Variants in ASCC3 observed in about 807,000 individuals in gnomAD.
The protein encoded by ASCC3 is activating signal cointegrator 1 complex subunit 3.
In ASCC3, 158 loss-of-function variants were observed where a neutral mutation model predicts 256.3. The ratio of observed to expected loss-of-function variants is 0.62; its 90% CI spans 0.54 to 0.70. The LOEUF (loss-of-function observed/expected upper bound fraction) is 0.70. Among genes scored for constraint, ASCC3 ranks in the 30% least tolerant of loss-of-function variants. The pLI is 0.00. For missense variants in ASCC3, 2,259 were observed against 2,626.0 expected (o/e 0.86, Z 3.05); for synonymous variants, 948 against 883.4 (o/e 1.07, Z -1.30).
chr6:100,876,144 TGAA>T (rs1227424060), intron 1 of ASCC3, among the ~76,000 whole-genome samples: 6 of 151,988 alleles, frequency 3.9e-5, no homozygotes, highest in Non-Finnish European at 8.8e-5. Context: ...CTTGGATAGA[TGAA>T]GGAGTACGGA....
At chr6:100,756,712 T>G (rs1204543125) in intron 10 of ASCC3, among the ~76,000 whole-genome samples, 1 of 152,160 alleles carries the variant, frequency 6.6e-6, no homozygotes, top group Admixed American at 6.5e-5. Context: ...GCAGATTATA[T>G]CATTGCCTAC....
Position 100,692,897 on chromosome 6 carries a change from T to C in ASCC3, c.2152-13145A>G, listed in dbSNP as rs182304790. Among the ~76,000 whole-genome samples the C allele has an allele frequency of 3.3e-3, 504 of 152,208 alleles. 2 individuals are homozygous for C. The highest frequency in any genetic ancestry group is 6.8e-3 in the Middle Eastern group (2 of 292). ...AATGATGATCTATTAAATACCATCT[T>C]TGAAATACTTTTTTTATAAAATAAA... On this transcript the variant is annotated intron_variant, in intron 13 of 41. Coordinates refer to ENST00000369162, the MANE Select transcript of ASCC3 (RefSeq NM_006828.4).
chr6:100,663,121 G>C (rs1311787401), intron 14 of ASCC3, among the ~76,000 whole-genome samples: 1 of 151,986 alleles, frequency 6.6e-6, no homozygotes, highest in Non-Finnish European at 1.5e-5. Context: ...ATTGCGATAA[G>C]TCAATAAACC....
chr6:100,523,574 A>T (rs2114626384), intron 37 of ASCC3, among the ~76,000 whole-genome samples: 1 of 152,224 alleles, frequency 6.6e-6, no homozygotes, highest in East Asian at 1.9e-4. Context: ...GGAAATTTTT[A>T]AAGGTGTGGG....
intron 36 of ASCC3, among the ~76,000 whole-genome samples, chr6:100,579,941 A>G (rs1393913353): frequency 6.6e-6 from 1 of 152,180 alleles, no homozygotes; most frequent in Admixed American, 6.6e-5. Flanking sequence ...AACAATAGCG[A>G]TTCTTCCTAT....
intron 36 of ASCC3, among the ~76,000 whole-genome samples, chr6:100,571,619 G>C (rs240775): frequency 0.99 from 150,991 of 152,330 alleles, 74,841 homozygotes; most frequent in East Asian, 1. Context: ...TGCATTTCAC[G>C]TATATAAACT....
At chr6:100,627,798 T>C (rs773576815) in intron 28 of ASCC3, 44 bp downstream of exon 28, 2 of 1,612,246 alleles carry the variant, frequency 1.2e-6, no homozygotes, top group East Asian at 2.2e-5. Context: ...ATCATCAAAG[T>C]AACACTACTA....
chr6:100,714,522 A>G (rs1406657260), intron 13 of ASCC3, among the ~76,000 whole-genome samples: 2 of 152,148 alleles, frequency 1.3e-5, no homozygotes, highest in African/African-American at 2.4e-5. Context: ...CATTTTCCTC[A>G]TCTGTCAAGT....
intron 13 of ASCC3, among the ~76,000 whole-genome samples, chr6:100,711,583 A>G (rs1306656159): frequency 6.6e-6 from 1 of 152,018 alleles, no homozygotes; most frequent in Non-Finnish European, 1.5e-5. Flanking sequence ...AAAAAAAATT[A>G]GCCGGGTGTG....
chr6:100,620,126 C>A (rs1429672490), intron 30 of ASCC3, among the ~76,000 whole-genome samples: 1 of 152,036 alleles, frequency 6.6e-6, no homozygotes, highest in South Asian at 2.1e-4. Context: ...ATGAGAGAAG[C>A]CAAAGAAGGG....
intron 10 of ASCC3, among the ~76,000 whole-genome samples, chr6:100,764,141 T>C (rs1414038386): frequency 1.3e-5 from 2 of 152,214 alleles, no homozygotes; most frequent in East Asian, 1.9e-4. Context: ...AGTAACATAG[T>C]TGGATATAGG....
At chr6:100,662,958 A>G (rs1776297739) in intron 14 of ASCC3, among the ~76,000 whole-genome samples, 2 of 152,000 alleles carry the variant, frequency 1.3e-5, no homozygotes, top group African/African-American at 4.8e-5. Flanking sequence ...TACCTCATCC[A>G]CACTAGCCAC....
At chr6:100,706,784 A>T (rs2115007631) in intron 13 of ASCC3, among the ~76,000 whole-genome samples, 1 of 152,164 alleles carries the variant, frequency 6.6e-6, no homozygotes, top group South Asian at 2.1e-4. Context: ...ACAGAGAGAG[A>T]TTTCAGTTTT....
chr6:100,746,867 C>G (rs1250343881), intron 10 of ASCC3, among the ~76,000 whole-genome samples: 1 of 151,840 alleles, frequency 6.6e-6, no homozygotes, highest in East Asian at 1.9e-4. Flanking sequence ...AAACAGAATC[C>G]AAAAATAAAC....
chr6:100,784,571 A>C (rs190617388), intron 8 of ASCC3, among the ~76,000 whole-genome samples: 215 of 152,242 alleles, frequency 1.4e-3, no homozygotes, highest in African/African-American at 4.9e-3. Context: ...GAATGAAGAC[A>C]TATTTGCTTA....
At chr6:100,611,899 T>C (rs1773419223) in intron 30 of ASCC3, among the ~76,000 whole-genome samples, 1 of 151,890 alleles carries the variant, frequency 6.6e-6, no homozygotes, top group Non-Finnish European at 1.5e-5. Context: ...GAAACACTGA[T>C]AGAAGAAGTT....
chr6:100,707,697 A>G (rs1778668653), intron 13 of ASCC3, among the ~76,000 whole-genome samples: 1 of 152,224 alleles, frequency 6.6e-6, no homozygotes, highest in Non-Finnish European at 1.5e-5. Flanking sequence ...GTCTATTTAA[A>G]ATTAAGAATC....
chr6:100,556,642 T>C (rs1002273269), intron 36 of ASCC3, among the ~76,000 whole-genome samples: 2 of 152,168 alleles, frequency 1.3e-5, no homozygotes, highest in African/African-American at 4.8e-5. Context: ...TTCTTTATTA[T>C]GTATATAATT....
At chr6:100,745,493 A>G (rs1780619955) in intron 10 of ASCC3, among the ~76,000 whole-genome samples, 1 of 84,858 alleles carries the variant, frequency 1.2e-5, no homozygotes, top group Non-Finnish European at 2.3e-5. Flanking sequence ...TCTCAAAAAA[A>G]AAAACCTAAC....
Sources: allele counts gnomAD v4.1 joint callset (sites outside exome capture counted in the v4.1 genomes callset), GRCh38; gene constraint gnomAD v4.1.1; transcripts MANE v1.5; gene names NCBI Gene and HGNC (gene_info 2026-07-23, HGNC 2026-07-21).